The following HS3ST4 variants were observed in gnomAD, a reference collection of about 807,000 sequenced individuals.
The protein encoded by HS3ST4 is heparan sulfate glucosamine 3-O-sulfotransferase 4.
HS3ST4 carries 17 observed loss-of-function variants against 29.2 expected under a neutral mutation model. The observed-to-expected ratio is 0.58, with a 90% CI of 0.40 to 0.87. HS3ST4 has a LOEUF of 0.87. Ranked by LOEUF, HS3ST4 falls within the 40% of genes least tolerant of loss-of-function variation. The probability of loss-of-function intolerance (pLI) is 0.00; values close to 1 mark genes in which losing one functional copy is unlikely to be tolerated. For missense variants in HS3ST4, 627 were observed against 634.5 expected, an observed-to-expected ratio of 0.99 and a Z score of 0.13; for synonymous variants, 314 against 285.7, an observed-to-expected ratio of 1.10 and a Z score of -1.00.
intron 1 of HS3ST4, among the ~76,000 whole-genome samples, chr16:25,778,431 G>T (rs1326652106): frequency 1.3e-5 from 2 of 152,194 alleles, no homozygotes; most frequent in Non-Finnish European, 2.9e-5. Flanking sequence ...GAGAAAGTTG[G>T]CTTCTCTTAC....
At chr16:26,131,177 C>G (rs966688871) in intron 1 of HS3ST4, among the ~76,000 whole-genome samples, 1 of 152,176 alleles carries the variant, frequency 6.6e-6, no homozygotes, top group Non-Finnish European at 1.5e-5. Flanking sequence ...TACACCCAGG[C>G]CCCCCACCAT....
intron 1 of HS3ST4, among the ~76,000 whole-genome samples, chr16:25,879,248 A>G (rs117841383): frequency 1.3e-5 from 2 of 152,206 alleles, no homozygotes; most frequent in Non-Finnish European, 2.9e-5. Context: ...TTACTGAGCA[A>G]TTGCTTTGGG....
chr16:26,050,793 C>T (rs1254418108), intron 1 of HS3ST4, among the ~76,000 whole-genome samples: 1 of 152,184 alleles, frequency 6.6e-6, no homozygotes, highest in Admixed American at 6.5e-5. Context: ...TGAAGGCATG[C>T]ATCCAGTGTT....
At chr16:25,738,635 T>G (rs748062987) in intron 1 of HS3ST4, among the ~76,000 whole-genome samples, 1 of 152,150 alleles carries the variant, frequency 6.6e-6, no homozygotes, top group African/African-American at 2.4e-5. Context: ...GACAGTAGCA[T>G]CCCTTTGAGG....
At position 25,692,658 on chromosome 16, in the gene HS3ST4, C is replaced by G; in HGVS notation, c.241C>G (p.Pro81Ala). ...AAAEPPPSPP[P>A]PSLLPTPVRL... ...CGCCGAGCCCCCGCCGAGCCCGCCG[C>G]CACCCTCTCTGCTGCCTACCCCCGT... is the stretch of plus-strand genomic sequence containing the variant. The change falls in exon 1 of 2, where the codon CCA becomes GCA. Residue 81 changes from proline to alanine, a missense_variant. This residue lies in a region of HS3ST4 where 402 missense variants were observed against 340.8 expected (regional missense o/e 1.18). Coordinates refer to ENST00000331351, the MANE Select transcript of HS3ST4 (RefSeq NM_006040.3). 2 of 1,349,592 alleles carry G rather than the reference C, an allele frequency of 1.5e-6. No homozygotes were observed. The highest frequency in any genetic ancestry group is 1.9e-6 in the Non-Finnish European group (2 of 1,042,314). The allele number at this position is 1,349,592 out of a possible 1,614,324, so 83.6% of individuals were successfully genotyped here. A position where few individuals can be genotyped will look rare whatever the true frequency, so the allele number is the denominator to read the frequency against.
intron 1 of HS3ST4, among the ~76,000 whole-genome samples, chr16:26,039,860 C>A (rs1296831310): frequency 9.9e-5 from 15 of 152,130 alleles, no homozygotes; most frequent in Admixed American, 9.2e-4. Context: ...CATTGAATTA[C>A]ATAGAATTGC....
In HS3ST4 at chr16:25,717,510, GGTGTGTGTGTGTGT is replaced by G. The variant is rs763190199; in HGVS notation, c.734+24390_734+24403del. Among the ~76,000 whole-genome samples the G allele has an allele frequency of 2.2e-3, 298 of 132,910 alleles. 1 individual carries two copies. The highest frequency in any genetic ancestry group is 6.5e-3 in the East Asian group (28 of 4,316). The allele number at this position is 132,910 out of a possible 152,430, so 87.2% of individuals were successfully genotyped here. On this transcript the variant is annotated intron_variant, in intron 1 of 1. Coordinates refer to ENST00000331351, the MANE Select transcript of HS3ST4 (RefSeq NM_006040.3). ...CTGAAGGATGAGTAGAAGGTGAAGG[GGTGTGTGTGTGTGT>G]GTGTGTGTGTGTGTGTGTGTGTGTG...
At chr16:26,092,832 C>T (rs1461690723) in intron 1 of HS3ST4, among the ~76,000 whole-genome samples, 2 of 152,128 alleles carry the variant, frequency 1.3e-5, no homozygotes, top group African/African-American at 4.8e-5. Flanking sequence ...TTTCCCTTTC[C>T]TAGCCAGGGA....
chr16:25,710,452 CATTTTTACCTCT>C, intron 1 of HS3ST4, among the ~76,000 whole-genome samples: 1 of 43,070 alleles, frequency 2.3e-5, no homozygotes, highest in South Asian at 1.6e-3. Flanking sequence ...CTTTATCCTC[CATTTTTACCTCT>C]GCCATCTGAC....
At chr16:25,813,702 C>G (rs1273021455) in intron 1 of HS3ST4, among the ~76,000 whole-genome samples, 1 of 152,144 alleles carries the variant, frequency 6.6e-6, no homozygotes, top group Non-Finnish European at 1.5e-5. Flanking sequence ...CATCCATTAA[C>G]CCAATGACCC....
At chr16:25,770,945 G>A (rs531171282) in intron 1 of HS3ST4, among the ~76,000 whole-genome samples, 3 of 152,160 alleles carry the variant, frequency 2.0e-5, no homozygotes, top group South Asian at 2.1e-4. Context: ...ATCCTGGGAC[G>A]TGGCTACAGA....
chr16:25,873,254 C>A (rs946477820), intron 1 of HS3ST4, among the ~76,000 whole-genome samples: 1 of 151,708 alleles, frequency 6.6e-6, no homozygotes, highest in Non-Finnish European at 1.5e-5. Flanking sequence ...AGCTAGCAAG[C>A]CATCCATCCA....
chr16:25,762,866 G>A (rs1174716342), intron 1 of HS3ST4, among the ~76,000 whole-genome samples: 1 of 86,466 alleles, frequency 1.2e-5, no homozygotes, highest in East Asian at 4.0e-4. Context: ...GACAGAGCAA[G>A]ACCCTGTCTC....
At chr16:25,838,286 T>C (rs1362809984) in intron 1 of HS3ST4, among the ~76,000 whole-genome samples, 1 of 152,156 alleles carries the variant, frequency 6.6e-6, no homozygotes, top group African/African-American at 2.4e-5. Context: ...CTTCTTCTTA[T>C]CTTAGTTAGT....
At chr16:26,054,185 A>T (rs1898378874) in intron 1 of HS3ST4, among the ~76,000 whole-genome samples, 1 of 151,920 alleles carries the variant, frequency 6.6e-6, no homozygotes, top group Non-Finnish European at 1.5e-5. Context: ...TCAGGGTATA[A>T]ACACAACACC....
At chr16:25,757,814 G>A (rs1966766557) in intron 1 of HS3ST4, among the ~76,000 whole-genome samples, 1 of 152,056 alleles carries the variant, frequency 6.6e-6, no homozygotes, top group East Asian at 1.9e-4. Flanking sequence ...AACTTCTAGA[G>A]GTCAAGGACT....
chr16:25,958,732 A>T (rs886478752), intron 1 of HS3ST4, among the ~76,000 whole-genome samples: 1 of 152,216 alleles, frequency 6.6e-6, no homozygotes, highest in Non-Finnish European at 1.5e-5. Context: ...ACAAACCAGT[A>T]CTGGCTTTCA....
chr16:25,799,546 G>A (rs2141623392), intron 1 of HS3ST4, among the ~76,000 whole-genome samples: 1 of 152,142 alleles, frequency 6.6e-6, no homozygotes, highest in East Asian at 1.9e-4. Flanking sequence ...CAATTTAAAT[G>A]ATATCATATT....
intron 1 of HS3ST4, among the ~76,000 whole-genome samples, chr16:26,007,868 C>T (rs1442328835): frequency 6.6e-6 from 1 of 151,920 alleles, no homozygotes; most frequent in Admixed American, 6.6e-5. Flanking sequence ...CCCTACAATC[C>T]AAGGACATAA....
Sources: allele counts gnomAD v4.1 joint callset (sites outside exome capture counted in the v4.1 genomes callset), GRCh38; gene constraint gnomAD v4.1.1; regional missense constraint gnomAD v4.1.1; transcripts MANE v1.5; gene names NCBI Gene and HGNC (gene_info 2026-07-23, HGNC 2026-07-21).